The following CMTM4 variants were observed in gnomAD, a reference collection of about 807,000 sequenced individuals.
The protein encoded by CMTM4 is CKLF-like MARVEL transmembrane domain-containing protein 4.
CMTM4 carries 8 observed loss-of-function variants against 19.0 expected under a neutral mutation model. The ratio of observed to expected loss-of-function variants is 0.42; its 90% confidence interval spans 0.25 to 0.76. The LOEUF is 0.76. Ranked by LOEUF, CMTM4 falls within the 30% of genes least tolerant of loss-of-function variation. CMTM4 has a pLI of 0.27. For missense variants in CMTM4, 228 were observed against 290.2 expected, an observed-to-expected ratio of 0.79 and a Z score of 1.56; for synonymous variants, 106 against 121.1, an observed-to-expected ratio of 0.88 and a Z score of 0.82.
At position 66,623,434 on chromosome 16, in the gene CMTM4, G is replaced by A; in HGVS notation, c.432C>T (p.Asn144=). 6.2e-7 allele frequency: 1 copy of A among 1,613,918 alleles called. No homozygotes were observed. Among genetic ancestry groups the A allele is most frequent in the Admixed American group, 1.7e-5 (1 of 59,996 alleles). ...CAGCAATTTCTGCTCCGGCTCTATG[G>A]TTTAAAGCAGCCAGTACGATTGAAG... The part of the protein sequence containing the change: ...FIASIVLAAL[N]HRAGAEIAAV... Residue 144 remains asparagine (N), a synonymous_variant, in exon 3 of 4, where the codon AAC becomes AAT. Coordinates refer to ENST00000394106, the MANE Select transcript of CMTM4 (RefSeq NM_181521.3).
chr16:66,630,745 C>G (rs1016173928), intron 2 of CMTM4, among the ~76,000 whole-genome samples: 17 of 151,876 alleles, frequency 1.1e-4, no homozygotes. Context: ...ATTGCAGCCT[C>G]TGCCCGGCCG....
chr16:66,673,829 T>C (rs2016756722), intron 1 of CMTM4, among the ~76,000 whole-genome samples: 1 of 152,248 alleles, frequency 6.6e-6, no homozygotes, highest in South Asian at 2.1e-4. Flanking sequence ...CAACTTCCGC[T>C]CAGGTCCTGA....
chr16:66,663,502 T>C (rs1188800500), intron 1 of CMTM4, among the ~76,000 whole-genome samples: 2 of 148,974 alleles, frequency 1.3e-5, no homozygotes, highest in East Asian at 2.0e-4. Flanking sequence ...TTTTGGATAC[T>C]ACGTTCTATG....
At chr16:66,624,558 G>C (rs926827272) in intron 2 of CMTM4, among the ~76,000 whole-genome samples, 3 of 152,204 alleles carry the variant, frequency 2.0e-5, no homozygotes, top group Non-Finnish European at 4.4e-5. Flanking sequence ...CTTGAGGTCA[G>C]GTGTTCGAGA....
At chr16:66,673,979 G>A (rs934065538) in intron 1 of CMTM4, among the ~76,000 whole-genome samples, 4 of 152,236 alleles carry the variant, frequency 2.6e-5, no homozygotes, top group African/African-American at 7.2e-5. Flanking sequence ...CAAGTTCTCA[G>A]AGCAAGGCAG....
intron 1 of CMTM4, among the ~76,000 whole-genome samples, chr16:66,642,922 AT>A (rs2144823271): frequency 6.6e-6 from 1 of 152,182 alleles, no homozygotes; most frequent in African/African-American, 2.4e-5. Context: ...TGAAATAGCA[AT>A]TTTTGGTTTT....
At chr16:66,652,676 A>G (rs1384042306) in intron 1 of CMTM4, among the ~76,000 whole-genome samples, 1 of 152,246 alleles carries the variant, frequency 6.6e-6, no homozygotes, top group Non-Finnish European at 1.5e-5. Context: ...ACAGGCTCCA[A>G]TTAAAATAGG....
chr16:66,687,565 G>C (rs1455614635), intron 1 of CMTM4, among the ~76,000 whole-genome samples: 1 of 151,998 alleles, frequency 6.6e-6, no homozygotes, highest in African/African-American at 2.4e-5. Flanking sequence ...ATGTCTCCCT[G>C]ACACCCTGGC....
chr16:66,627,634 AT>A (rs917875091), intron 2 of CMTM4, among the ~76,000 whole-genome samples: 17 of 150,396 alleles, frequency 1.1e-4, no homozygotes, highest in East Asian at 5.8e-4. Flanking sequence ...TATTCTGGAC[AT>A]TTTTTTTTTC....
Position 66,621,946 on chromosome 16 carries a change from CAA to C in CMTM4, c.*110_*111del. On this transcript the variant is annotated 3_prime_UTR_variant, in exon 4 of 4. Coordinates refer to ENST00000394106, the MANE Select transcript of CMTM4 (RefSeq NM_181521.3). ...ACCCTTTCCCAAAATGAACTTTTAC[CAA>C]AGAGGACAAAATTCAACTGAATCAC... The C allele has an allele frequency of 6.9e-7, 1 of 1,455,810 alleles. No individual in the cohort carries two copies. Among genetic ancestry groups the C allele is most frequent in the Non-Finnish European group, 9.1e-7 (1 of 1,101,546 alleles). 90.2% of individuals were successfully genotyped at this position (1,455,810 alleles called of 1,614,324 possible).
At chr16:66,688,640 T>C (rs1441859618) in intron 1 of CMTM4, among the ~76,000 whole-genome samples, 1 of 152,154 alleles carries the variant, frequency 6.6e-6, no homozygotes, top group East Asian at 1.9e-4. Context: ...TTTGCCTGGC[T>C]AATATAAAGT....
At chr16:66,690,306 A>G (rs2017111904) in intron 1 of CMTM4, among the ~76,000 whole-genome samples, 1 of 152,228 alleles carries the variant, frequency 6.6e-6, no homozygotes, top group African/African-American at 2.4e-5. Context: ...GACCAGGGTC[A>G]TTGTGTGTCT....
chr16:66,642,738 A>G (rs1379398106), intron 1 of CMTM4, among the ~76,000 whole-genome samples: 1 of 152,148 alleles, frequency 6.6e-6, no homozygotes, highest in Non-Finnish European at 1.5e-5. Context: ...ACGAACAAAC[A>G]AAACCAGAAT....
intron 2 of CMTM4, among the ~76,000 whole-genome samples, chr16:66,631,930 A>AAAAATAAAAT (rs553839103): frequency 5.9e-5 from 9 of 152,238 alleles, no homozygotes; most frequent in East Asian, 1.9e-4. Flanking sequence ...TGATCAATAA[A>AAAAATAAAAT]AAAATAAAAT....
Position 66,696,481 on chromosome 16 carries a change from C to T in CMTM4, c.45G>A (p.Ser15=), listed in dbSNP as rs983054618. Residue 15 remains serine, a synonymous_variant, in exon 1 of 4, where the codon TCG becomes TCA. Transcript: ENST00000394106. The surrounding 1 kb of genome is among the most constrained non-coding windows in gnomAD (Gnocchi z 4.3). ...EELDGFEGEA[S]STSMISGASS... ...TGGCGCCCGAGATCATGGAGGTGCT[C>T]GAGGCCTCGCCCTCGAAGCCGTCCA... 1.1e-5 allele frequency: 14 copies of T among 1,271,976 alleles called. No homozygotes were observed. The highest frequency in any genetic ancestry group is 1.4e-5 in the Non-Finnish European group (14 of 1,006,888). The allele number at this position is 1,271,976 out of a possible 1,614,324, so 78.8% of individuals were successfully genotyped here. A position where few individuals can be genotyped will look rare whatever the true frequency, so the allele number is the denominator to read the frequency against.
rs1009441521 is a variant in CMTM4, at chr16:66,621,872, G to A, written c.*186C>T. 1.0e-4 allele frequency: 143 copies of A among 1,419,224 alleles called. No homozygotes were observed. Among genetic ancestry groups the A allele is most frequent in the Non-Finnish European group, 1.2e-4 (128 of 1,089,302 alleles). 87.9% of individuals were successfully genotyped at this position (1,419,224 alleles called of 1,614,324 possible). ...TCCACAGCCCCAAACGCTGAGGAAC[G>A]TGGGCCTCCCAACTCCACCGCGGAC... On this transcript the variant is annotated 3_prime_UTR_variant, in exon 4 of 4. Coordinates refer to ENST00000394106, the MANE Select transcript of CMTM4 (RefSeq NM_181521.3).
chr16:66,666,339 G>C (rs1457127405), intron 1 of CMTM4, among the ~76,000 whole-genome samples: 1 of 151,364 alleles, frequency 6.6e-6, no homozygotes, highest in Non-Finnish European at 1.5e-5. Flanking sequence ...TGTAGTCCCA[G>C]CTACTCAGGA....
intron 1 of CMTM4, among the ~76,000 whole-genome samples, chr16:66,659,624 A>G (rs572206475): frequency 3.5e-4 from 54 of 152,350 alleles, no homozygotes; most frequent in Admixed American, 3.3e-4. Flanking sequence ...TAGGATAGTC[A>G]ATGACATTAA....
intron 2 of CMTM4, among the ~76,000 whole-genome samples, chr16:66,628,325 G>T (rs1436123194): frequency 1.3e-5 from 2 of 152,204 alleles, no homozygotes; most frequent in African/African-American, 4.8e-5. Flanking sequence ...CGGGCTGGGG[G>T]ACGGTCAGGT....
Sources: gnomAD v4.1 joint callset for allele counts (sites outside exome capture counted in the v4.1 genomes callset) on GRCh38, gnomAD v4.1.1 for gene constraint, Gnocchi (gnomAD v3.1) non-coding constraint, MANE v1.5 for transcripts, NCBI Gene and HGNC (gene_info 2026-07-23, HGNC 2026-07-21) for gene names.